Variants in GALE observed in about 807,000 individuals in gnomAD.
GALE encodes UDP-glucose 4-epimerase.
A neutral mutation model predicts 44.1 loss-of-function variants in GALE; 32 were observed. The observed-to-expected ratio is 0.73, with a 90% CI of 0.55 to 0.97. GALE has a LOEUF of 0.97. Among genes scored for constraint, GALE ranks in the 50% least tolerant of loss-of-function variants. GALE has a pLI of 0.00. For synonymous variants in GALE, 182 were observed against 183.5 expected, an observed-to-expected ratio of 0.99 and a Z score of 0.06; for missense variants, 423 against 455.6, an observed-to-expected ratio of 0.93 and a Z score of 0.65.
rs757803795 is a variant in GALE, at chr1:23,798,088, G to C, written c.351+29C>G. Reference sequence around the variant, plus strand: ...TGGGGTCCAGCTGGACACCCTCCTAGTGTCTGTGCCCTGTCCCATGCCTCT... The same window carrying C: ...TGGGGTCCAGCTGGACACCCTCCTACTGTCTGTGCCCTGTCCCATGCCTCT... On this transcript the variant is annotated intron_variant, in intron 5 of 11. Transcript: ENST00000617979. The surrounding 1 kb of genome is among the most constrained non-coding windows in gnomAD (Gnocchi z 4.5). 1.3e-6 allele frequency: 2 copies of C among 1,558,062 alleles called. No homozygotes were observed. The highest frequency in any genetic ancestry group is 1.7e-5 in the Admixed American group (1 of 59,950).
Position 23,797,705 on chromosome 1 carries a change from T to C in GALE, c.518A>G (p.Gln173Arg). 6.2e-7 allele frequency: 1 copy of C among 1,614,098 alleles called. No individual in the cohort carries two copies. The highest frequency in any genetic ancestry group is 1.1e-5 in the South Asian group (1 of 91,080). The change falls in exon 6 of 12, where the codon CAG becomes CGG. Residue 173 changes from glutamine (Q) to arginine (R), a missense_variant. Physicochemically the swap from Gln to Arg is conservative, Grantham distance 43. Coordinates refer to ENST00000617979, the MANE Select transcript of GALE (RefSeq NM_001008216.2). ...FIEEMIRDLCQADKTWNAVLL... is the reference protein window; with the variant it reads ...FIEEMIRDLCRADKTWNAVLL... ...CAAGGGGGCCCTCACCTTGTCTGCC[T>C]GGCACAGGTCCCGGATCATTTCCTC...
At position 23,796,302 on chromosome 1, in the gene GALE, G is replaced by T. The variant is rs771083131; in HGVS notation, c.874-37C>A. On this transcript the variant is annotated intron_variant, in intron 10 of 11. Coordinates refer to ENST00000617979, the MANE Select transcript of GALE (RefSeq NM_001008216.2). This position sits in a 1 kb window ranked among gnomAD's most constrained non-coding sequence, Gnocchi z 5.2. ...GAGGTAGTTGGAGCTTAGCTGAGCC[G>T]GCCCTGGCCCAGCTGCTGGCCAGGT... 1 of 1,579,944 alleles carries T rather than the reference G, an allele frequency of 6.3e-7. No homozygotes were observed. Among genetic ancestry groups the T allele is most frequent in the Admixed American group, 1.7e-5 (1 of 59,974 alleles).
Position 23,795,850 on chromosome 1 carries a change from C to G in GALE, c.*99G>C. 8.2e-7 allele frequency: 1 copy of G among 1,215,206 alleles called. No individual in the cohort carries two copies. Among genetic ancestry groups the G allele is most frequent in the Non-Finnish European group, 1.2e-6 (1 of 831,730 alleles). The allele number at this position is 1,215,206 out of a possible 1,614,324, so 75.3% of individuals were successfully genotyped here. On this transcript the variant is annotated 3_prime_UTR_variant, in exon 12 of 12. Transcript: ENST00000617979. ...CAGCTGGGGTTTGAGGTAGGGGAGG[C>G]CTTGGCTTGGCCCCAGCAGCTCCAG...
chr1:23,798,529 C>T lies in GALE; in HGVS notation c.237+86G>A, dbSNP rs1639034038. 1.0e-6 allele frequency: 1 copy of T among 977,218 alleles called. No homozygotes were observed. The highest frequency in any genetic ancestry group is 1.6e-6 in the Non-Finnish European group (1 of 611,378). 60.5% of individuals were successfully genotyped at this position (977,218 alleles called of 1,614,324 possible). On this transcript the variant is annotated intron_variant, in intron 4 of 11. Coordinates refer to ENST00000617979, the MANE Select transcript of GALE (RefSeq NM_001008216.2). This position sits in a 1 kb window ranked among gnomAD's most constrained non-coding sequence, Gnocchi z 4.5. ...CTGTGTTGAGCAGGCTGGTCTTGAA[C>T]ACCTGGGCTCAAGTGATCTCCTCAC...
rs759014314 is a variant in GALE, at chr1:23,796,257, G to C, written c.882C>G (p.Tyr294Ter). 2 of 1,613,972 alleles carry C rather than the reference G, an allele frequency of 1.2e-6. No homozygotes were observed. Among genetic ancestry groups the C allele is most frequent in the Non-Finnish European group, 1.7e-6 (2 of 1,179,858 alleles). Residue 294 changes from tyrosine to a stop codon, truncating the protein, a stop_gained, in exon 11 of 12, where the codon TAC (tyrosine) becomes TAG (stop). Transcript: ENST00000617979. LOFTEE classifies it high-confidence loss of function. The surrounding 1 kb of genome is among the most constrained non-coding windows in gnomAD (Gnocchi z 5.2). ...CACCTTCCCGCCGTGCCACCACCTT[G>C]TACGGGATCTGCAAGACAGGAGGTA... ...MEKASGKKIPYKVVARREGDV... is the reference protein window; with the variant it reads ...MEKASGKKIP
In GALE at chr1:23,798,235, AG is replaced by A. The variant is rs1446394495; in HGVS notation, c.238-6del. The A allele has an allele frequency of 1.9e-6, 3 of 1,609,502 alleles. No individual in the cohort carries two copies. Among genetic ancestry groups the A allele is most frequent in the African/African-American group, 2.7e-5 (2 of 74,770 alleles). ...GATGACCGCCATAAAGCTGTACTGC[AG>A]GGGTGACATGGCCAGAGGTTGCTCT... On this transcript the variant is annotated splice_polypyrimidine_tract_variant and splice_region_variant and intron_variant, in intron 4 of 11. Coordinates refer to ENST00000617979, the MANE Select transcript of GALE (RefSeq NM_001008216.2). This position sits in a 1 kb window ranked among gnomAD's most constrained non-coding sequence, Gnocchi z 4.5.
At position 23,798,297 on chromosome 1, in the gene GALE, C is replaced by G; in HGVS notation, c.238-67G>C. On this transcript the variant is annotated intron_variant, in intron 4 of 11. Coordinates refer to ENST00000617979, the MANE Select transcript of GALE (RefSeq NM_001008216.2). This position sits in a 1 kb window ranked among gnomAD's most constrained non-coding sequence, Gnocchi z 4.5. ...GTCCTTGGCAATGCCCTCAGCCTGC[C>G]TGCCTGCACTCACCTTTTTTTTTTT... 9.0e-7 allele frequency: 1 copy of G among 1,111,012 alleles called. No homozygotes were observed. The highest frequency in any genetic ancestry group is 1.4e-6 in the Non-Finnish European group (1 of 737,078). The allele number at this position is 1,111,012 out of a possible 1,614,324, so 68.8% of individuals were successfully genotyped here.
rs1639015180 is a variant in GALE, at chr1:23,798,025, T to G, written c.351+92A>C. 5 of 1,324,638 alleles carry G rather than the reference T, an allele frequency of 3.8e-6. No homozygotes were observed. The highest frequency in any genetic ancestry group is 5.5e-6 in the Non-Finnish European group (5 of 916,036). The allele number at this position is 1,324,638 out of a possible 1,614,324, so 82.1% of individuals were successfully genotyped here. A position where few individuals can be genotyped will look rare whatever the true frequency, so the allele number is the denominator to read the frequency against. On this transcript the variant is annotated intron_variant, in intron 5 of 11. Coordinates refer to ENST00000617979, the MANE Select transcript of GALE (RefSeq NM_001008216.2). This position sits in a 1 kb window ranked among gnomAD's most constrained non-coding sequence, Gnocchi z 4.5. ...AGGTAAAGACATGAGTCCAGGATGA[T>G]ACAGCTTGGGCTCTGTGTTTGGCAC...
rs1214131024 is a variant in GALE, at chr1:23,798,910, T to C, written c.98A>G (p.Asp33Gly). 1 of 1,614,030 alleles carries C rather than the reference T, an allele frequency of 6.2e-7. No homozygotes were observed. The highest frequency in any genetic ancestry group is 8.5e-7 in the Non-Finnish European group (1 of 1,180,038). The change falls in exon 3 of 12, where the codon GAT (aspartate) becomes GGT (glycine). Residue 33 changes from aspartate to glycine, a missense_variant. Asp to Gly is a moderately conservative substitution (Grantham distance 94). Coordinates refer to ENST00000617979, the MANE Select transcript of GALE (RefSeq NM_001008216.2). The surrounding 1 kb of genome is among the most constrained non-coding windows in gnomAD (Gnocchi z 4.5). ...ACCACGGAAGGCATTATGGAAGTTA[T>C]CGATGACCACAGGCAAGTAGCCAGC... ...LEAGYLPVVI[D>G]NFHNAFRGGG...
chr1:23,798,814 G>A lies in GALE; in HGVS notation c.121+73C>T. ...TAGCCAGACACACATTCCCCGCCCG[G>A]TGGTGGAGGTGGAACCCAGGGTTTT... On this transcript the variant is annotated intron_variant, in intron 3 of 11. Transcript: ENST00000617979. This position sits in a 1 kb window ranked among gnomAD's most constrained non-coding sequence, Gnocchi z 4.5. The A allele has an allele frequency of 6.2e-7, 1 of 1,611,844 alleles. No individual in the cohort carries two copies. The highest frequency in any genetic ancestry group is 8.5e-7 in the Non-Finnish European group (1 of 1,177,930).
In GALE at chr1:23,796,732, C is replaced by T. The variant is rs926654478; in HGVS notation, c.760G>A (p.Ala254Thr). 59 of 1,612,854 alleles carry T rather than the reference C, an allele frequency of 3.7e-5. No homozygotes were observed. Among genetic ancestry groups the T allele is most frequent in the Non-Finnish European group, 4.9e-5 (58 of 1,179,506 alleles). ...VVDLAKGHIA[A>T]LRKLKEQCGC... Reference sequence around the variant, plus strand: ...CACTGTTCTTTCAGCTTCCTTAAGGCTGCAATGTGGCCCTTGGCCAGATCC... The same window carrying T: ...CACTGTTCTTTCAGCTTCCTTAAGGTTGCAATGTGGCCCTTGGCCAGATCC... The change falls in exon 9 of 12, where the codon GCC (alanine) becomes ACC (threonine). Residue 254 changes from alanine to threonine, a missense_variant. Ala to Thr is a moderately conservative substitution (Grantham distance 58). Transcript: ENST00000617979. The surrounding 1 kb of genome is among the most constrained non-coding windows in gnomAD (Gnocchi z 5.2).
In GALE at chr1:23,797,712, G is replaced by T; in HGVS notation, c.511C>A (p.Leu171Met). Residue 171 changes from leucine to methionine, a missense_variant, in exon 6 of 12, where the codon CTG (leucine) becomes ATG (methionine). Leu to Met is a conservative substitution (Grantham distance 15). Transcript: ENST00000617979. ...GCCCTCACCTTGTCTGCCTGGCACA[G>T]GTCCCGGATCATTTCCTCGATGAAG... ...KFFIEEMIRD[L>M]CQADKTWNAV... is the part of the protein sequence containing the mutation. 1 of 1,614,116 alleles carries T rather than the reference G, an allele frequency of 6.2e-7. No individual in the cohort carries two copies. Among genetic ancestry groups the T allele is most frequent in the East Asian group, 2.2e-5 (1 of 44,870 alleles).
At chr1:23,800,675 C>T (rs910336394) in intron 1 of GALE, 37 bp downstream of exon 1, 1 of 151,694 alleles carries the variant, frequency 6.6e-6, no homozygotes, top group Non-Finnish European at 1.5e-5. Flanking sequence ...CCCGGCCCCT[C>T]GCGAGCCCAC....
Position 23,795,826 on chromosome 1 carries a change from A to G in GALE, c.*123T>C. ...CATGCCTGGTGGGCTAAGCGGGCCC[A>G]GCTGGGGTTTGAGGTAGGGGAGGCC... On this transcript the variant is annotated 3_prime_UTR_variant, in exon 12 of 12. Coordinates refer to ENST00000617979, the MANE Select transcript of GALE (RefSeq NM_001008216.2). 1.0e-6 allele frequency: 1 copy of G among 962,750 alleles called. No homozygotes were observed. Among genetic ancestry groups the G allele is most frequent in the Admixed American group, 2.0e-5 (1 of 51,054 alleles). 59.6% of individuals were successfully genotyped at this position (962,750 alleles called of 1,614,324 possible). A position where few individuals can be genotyped will look rare whatever the true frequency, so the allele number is the denominator to read the frequency against.
At position 23,798,632 on chromosome 1, in the gene GALE, G is replaced by T; in HGVS notation, c.220C>A (p.Gln74Lys). The T allele has an allele frequency of 6.2e-7, 1 of 1,613,466 alleles. No individual in the cohort carries two copies. Among genetic ancestry groups the T allele is most frequent in the Non-Finnish European group, 8.5e-7 (1 of 1,179,546 alleles). ...EMDILDQGAL[Q>K]RLFKKYSFMA... The stretch of plus-strand genomic sequence containing the variant: ...GCACCCACCTTTTTGAAGAGACGCT[G>T]TAGGGCTCCCTGGTCCAAAATGTCC... The change falls in exon 4 of 12, where the codon CAG becomes AAG. Residue 74 changes from glutamine to lysine, a missense_variant. Transcript: ENST00000617979. This position sits in a 1 kb window ranked among gnomAD's most constrained non-coding sequence, Gnocchi z 4.5.
At chr1:23,799,484 G>A in intron 1 of GALE, 48 bp from the exon 2 acceptor site, 1 of 270,418 alleles carries the variant, frequency 3.7e-6, no homozygotes, top group South Asian at 3.7e-5. Context: ...AGGGTCGCAG[G>A]AAGGGGTTCT....
chr1:23,800,123 G>A (rs1361816483), intron 1 of GALE: 7 of 152,224 alleles, frequency 4.6e-5, no homozygotes, highest in African/African-American at 1.7e-4. Context: ...ACAGATACTA[G>A]GGCCAGAGAG....
intron 1 of GALE, chr1:23,799,835 G>C (rs1639071727): frequency 6.6e-6 from 1 of 152,608 alleles, no homozygotes. Flanking sequence ...GGGCCGTGTA[G>C]ACGTGGACTT....
At chr1:23,799,527 C>T (rs1347977560) in intron 1 of GALE, 91 bp from the exon 2 acceptor site, 2 of 207,500 alleles carry the variant, frequency 9.6e-6, no homozygotes, top group East Asian at 2.4e-4. Context: ...CCAATGCCTC[C>T]GCCTTCGCTA....
Sources: gnomAD v4.1 joint callset for allele counts on GRCh38, gnomAD v4.1.1 for gene constraint, Gnocchi (gnomAD v3.1) non-coding constraint, MANE v1.5 for transcripts, NCBI Gene and HGNC (gene_info 2026-07-23, HGNC 2026-07-21) for gene names.